NDST4: variants seen among roughly 807,000 people sequenced by gnomAD.
The protein encoded by NDST4 is N-heparan sulfate sulfotransferase 4.
NDST4 carries 63 observed loss-of-function variants against 100.8 expected under a neutral mutation model. The observed-to-expected ratio is 0.62, with a 90% CI of 0.51 to 0.77. NDST4 has a LOEUF of 0.77. Ranked by LOEUF, NDST4 falls within the 30% of genes least tolerant of loss-of-function variation. NDST4 has a pLI of 0.00. For missense variants in NDST4, 943 were observed against 1,018.4 expected (o/e 0.93, Z 1.01); for synonymous variants, 377 against 361.8 (o/e 1.04, Z -0.48).
chr4:114,895,199 G>T (rs549411877), intron 6 of NDST4, among the ~76,000 whole-genome samples: 23 of 152,132 alleles, frequency 1.5e-4, no homozygotes, highest in African/African-American at 5.5e-4. Context: ...GAATCCAGGA[G>T]CTGGGTTTTT....
chr4:115,067,503 T>C (rs1042695976), intron 2 of NDST4, among the ~76,000 whole-genome samples: 2 of 152,018 alleles, frequency 1.3e-5, no homozygotes, highest in Non-Finnish European at 2.9e-5. Flanking sequence ...GACACAAACT[T>C]AGTAATATTG....
chr4:114,895,988 G>T (rs1724705413), intron 6 of NDST4, among the ~76,000 whole-genome samples: 1 of 151,744 alleles, frequency 6.6e-6, no homozygotes, highest in South Asian at 2.1e-4. Context: ...TAACAGATTT[G>T]CCTTAAGAAT....
At chr4:115,052,289 T>G (rs192782314) in intron 2 of NDST4, among the ~76,000 whole-genome samples, 2 of 152,300 alleles carry the variant, frequency 1.3e-5, no homozygotes, top group African/African-American at 4.8e-5. Context: ...ACAATTAGAT[T>G]TAAACACCAT....
intron 12 of NDST4, 82 bp from the exon 13 acceptor site, chr4:114,829,974 G>T: frequency 1.1e-6 from 1 of 876,400 alleles, no homozygotes; most frequent in South Asian, 1.5e-5. Flanking sequence ...TAAAGGAAAT[G>T]TATTTTTGTA....
intron 6 of NDST4, among the ~76,000 whole-genome samples, chr4:114,889,700 G>T (rs556567291): frequency 6.6e-6 from 1 of 152,296 alleles, no homozygotes; most frequent in South Asian, 2.1e-4. Flanking sequence ...AAATAAAGCA[G>T]CTGCGCCTTT....
chr4:114,868,270 A>G lies in NDST4; in HGVS notation c.1719+2498T>C, dbSNP rs553813933. Reference sequence around the variant, plus strand: ...CCATGTTTATCTATTCTAACTCTCTAGCATTGTGATGAATGGGCCATAAAA... The same window carrying G: ...CCATGTTTATCTATTCTAACTCTCTGGCATTGTGATGAATGGGCCATAAAA... On this transcript the variant is annotated intron_variant, in intron 7 of 13. Coordinates refer to ENST00000264363, the MANE Select transcript of NDST4 (RefSeq NM_022569.3). Among the ~76,000 whole-genome samples the G allele has an allele frequency of 5.3e-5, 8 of 152,272 alleles. No homozygotes were observed. The South Asian group carries it at 1.7e-3, about 32-fold the overall frequency.
rs1052869818 is a variant in NDST4 at position 115,059,951 on chromosome 4, C to T, written c.978+16108G>A. Reference sequence around the variant, plus strand: ...CATCTCCTACCTTGAGGATTATTCCCACTAAACCTCTGCAACCCTGTTATT... The same window carrying T: ...CATCTCCTACCTTGAGGATTATTCCTACTAAACCTCTGCAACCCTGTTATT... On this transcript the variant is annotated intron_variant, in intron 2 of 13. Coordinates refer to ENST00000264363, the MANE Select transcript of NDST4 (RefSeq NM_022569.3). Among the ~76,000 whole-genome samples, 4 of 151,924 alleles carry T rather than the reference C, an allele frequency of 2.6e-5. No homozygotes were observed. In the East Asian group the frequency reaches 7.7e-4, roughly 29 times the overall value.
At chr4:115,056,077 C>A (rs183075336) in intron 2 of NDST4, among the ~76,000 whole-genome samples, 2 of 152,020 alleles carry the variant, frequency 1.3e-5, no homozygotes, top group South Asian at 4.1e-4. Flanking sequence ...TTAGGCCAGG[C>A]GCAGTGGCTC....
intron 7 of NDST4, among the ~76,000 whole-genome samples, chr4:114,862,054 C>A (rs1476662694): frequency 6.6e-6 from 1 of 152,112 alleles, no homozygotes; most frequent in African/African-American, 2.4e-5. Context: ...AAGGTGAGGT[C>A]TCTGTCTTCT....
chr4:114,853,106 TTA>T (rs1357729015), intron 7 of NDST4, among the ~76,000 whole-genome samples: 1 of 152,186 alleles, frequency 6.6e-6, no homozygotes, highest in African/African-American at 2.4e-5. Context: ...GGTTTATGTT[TTA>T]TGTCTATATA....
intron 2 of NDST4, among the ~76,000 whole-genome samples, chr4:115,068,815 C>CAAAAAAAAAAAAAAAA (rs34003720): frequency 3.9e-5 from 3 of 77,604 alleles, no homozygotes; most frequent in African/African-American, 1.2e-4. Flanking sequence ...GGCTCCATCT[C>CAAAAAAAAAAAAAAAA]AAAAAAAAAA....
At chr4:114,963,868 T>A (rs79598754) in intron 4 of NDST4, among the ~76,000 whole-genome samples, 2,599 of 152,260 alleles carry the variant, frequency 0.017, 82 homozygotes, top group African/African-American at 0.057. Context: ...GGATCCTCTG[T>A]ATTTCTTATT....
chr4:114,859,784 G>T (rs1365906758), intron 7 of NDST4, among the ~76,000 whole-genome samples: 1 of 152,202 alleles, frequency 6.6e-6, no homozygotes, highest in Admixed American at 6.5e-5. Flanking sequence ...GATCAGGTAA[G>T]GCTAGGCTTT....
chr4:115,088,596 T>G (rs1335779442), intron 1 of NDST4, among the ~76,000 whole-genome samples: 2 of 151,914 alleles, frequency 1.3e-5, no homozygotes, highest in Non-Finnish European at 2.9e-5. Context: ...GTTAAGAAGT[T>G]TAGCTCATGC....
intron 2 of NDST4, among the ~76,000 whole-genome samples, chr4:115,045,534 G>C (rs937476421): frequency 2.6e-5 from 4 of 152,030 alleles, no homozygotes; most frequent in African/African-American, 9.7e-5. Flanking sequence ...TTTCATGCAT[G>C]GACTCTCTCT....
rs2126244146 is a variant in NDST4, at chr4:114,977,205, C to T, written c.1048G>A (p.Gly350Arg). 6.2e-7 allele frequency: 1 copy of T among 1,608,964 alleles called. No homozygotes were observed. Among genetic ancestry groups the T allele is most frequent in the Admixed American group, 1.7e-5 (1 of 59,648 alleles). ...ANFTFNLGFSGKFYHTGTEEE... is the reference protein window; with the variant it reads ...ANFTFNLGFSRKFYHTGTEEE... ...TTCTTACCTGTGTGGTAAAACTTCC[C>T]TGAAAATCCAAGGTTGAAGGTAAAA... is the stretch of plus-strand genomic sequence containing the variant. The change falls in exon 3 of 14, where the codon GGG becomes AGG. Residue 350 changes from glycine (G) to arginine (R), a missense_variant. This residue lies in a region of NDST4 where 526 missense variants were observed against 634.1 expected (regional missense o/e 0.83). Coordinates refer to ENST00000264363, the MANE Select transcript of NDST4 (RefSeq NM_022569.3).
intron 2 of NDST4, among the ~76,000 whole-genome samples, chr4:114,989,928 A>C (rs1481438552): frequency 3.3e-5 from 5 of 152,184 alleles, no homozygotes; most frequent in African/African-American, 4.8e-5. Context: ...TTTATTCTTC[A>C]GTAGAGAAGT....
At chr4:115,003,778 G>T (rs1484749284) in intron 2 of NDST4, among the ~76,000 whole-genome samples, 2 of 151,888 alleles carry the variant, frequency 1.3e-5, no homozygotes, top group African/African-American at 4.8e-5. Flanking sequence ...TGAGGCAGGA[G>T]AATTGCTTGA....
intron 1 of NDST4, among the ~76,000 whole-genome samples, chr4:115,087,933 T>C (rs1729440164): frequency 6.6e-6 from 1 of 151,924 alleles, no homozygotes; most frequent in Non-Finnish European, 1.5e-5. Flanking sequence ...AACAAATTCT[T>C]ATTTCTTTCT....
Sources: allele counts gnomAD v4.1 joint callset (sites outside exome capture counted in the v4.1 genomes callset), GRCh38; gene constraint gnomAD v4.1.1; regional missense constraint gnomAD v4.1.1; transcripts MANE v1.5; gene names NCBI Gene and HGNC (gene_info 2026-07-23, HGNC 2026-07-21).